Variants in ROPN1B observed in about 807,000 individuals in gnomAD.
ROPN1B encodes the protein rhophilin associated tail protein 1B, also known as ropporin-1B.
Under a neutral mutation model 23.7 loss-of-function variants are expected in ROPN1B, and 13 were observed. That is an observed-to-expected ratio of 0.55 (90% CI 0.36 to 0.87). The LOEUF (loss-of-function observed/expected upper bound fraction) is 0.87. Ranked by LOEUF, ROPN1B falls within the 40% of genes least tolerant of loss-of-function variation. ROPN1B has a pLI of 0.01. For missense variants in ROPN1B, 183 were observed against 249.2 expected (o/e 0.73, Z 1.79); for synonymous variants, 67 against 100.4 (o/e 0.67, Z 1.99).
intron 2 of ROPN1B, among the ~76,000 whole-genome samples, chr3:125,971,366 GA>G (rs778213933): frequency 2.0e-5 from 3 of 152,012 alleles, no homozygotes; most frequent in South Asian, 4.1e-4. Flanking sequence ...ACTAAAAGCA[GA>G]AAAAAATCTT....
At chr3:125,976,404 T>C (rs7644324) in intron 4 of ROPN1B, among the ~76,000 whole-genome samples, 107,142 of 152,132 alleles carry the variant, frequency 0.7, 39,399 homozygotes, top group African/African-American at 0.92. Context: ...AGTCATCTTC[T>C]CTCCTTTTGT....
chr3:125,981,165 T>C (rs1038876420), intron 5 of ROPN1B, among the ~76,000 whole-genome samples: 6 of 152,224 alleles, frequency 3.9e-5, no homozygotes, highest in Non-Finnish European at 8.8e-5. Flanking sequence ...TTTAAATTAC[T>C]TGCCATCAAG....
At chr3:125,969,567 G>A (rs1358229647) in intron 1 of ROPN1B, 167 bp downstream of exon 1, 1 of 90,250 alleles carries the variant, frequency 1.1e-5, no homozygotes, top group Non-Finnish European at 2.1e-5. Flanking sequence ...TCAAGAGAAT[G>A]TGACTGTGGG....
chr3:125,979,896 T>C (rs1938553107), intron 5 of ROPN1B, among the ~76,000 whole-genome samples: 1 of 152,246 alleles, frequency 6.6e-6, no homozygotes, highest in Admixed American at 6.5e-5. Flanking sequence ...CAGAATGCGA[T>C]GGCACACAGA....
chr3:125,974,833 C>T (rs971378639), intron 3 of ROPN1B, among the ~76,000 whole-genome samples: 13 of 152,170 alleles, frequency 8.5e-5, no homozygotes, highest in Non-Finnish European at 1.8e-4. Flanking sequence ...TTGTCTCAAA[C>T]CTTCTTTGGC....
chr3:125,975,701 T>C (rs1184050383), intron 4 of ROPN1B, 21 bp downstream of exon 4: 2 of 1,579,998 alleles, frequency 1.3e-6, no homozygotes, highest in African/African-American at 2.7e-5. Context: ...TGCTGCAGCA[T>C]TGAGGAGAAT....
chr3:125,973,283 C>G (rs1580341356), intron 3 of ROPN1B: 2 of 343,390 alleles, frequency 5.8e-6, no homozygotes, highest in East Asian at 1.6e-4. Context: ...TAAGAGGGGC[C>G]TTTCGGAGTC....
intron 2 of ROPN1B, 49 bp from the exon 3 acceptor site, chr3:125,971,994 T>A: frequency 6.4e-7 from 1 of 1,570,136 alleles, no homozygotes. Context: ...ATTGCTCTCA[T>A]CTTATGAGTC....
chr3:125,970,996 C>T (rs1367159738), intron 1 of ROPN1B, 121 bp from the exon 2 acceptor site: 4 of 153,746 alleles, frequency 2.6e-5, no homozygotes, highest in Non-Finnish European at 4.4e-5. Context: ...TCAGCCACAC[C>T]TTTTCACGCT....
At chr3:125,975,150 C>T (rs1365738107) in intron 3 of ROPN1B, among the ~76,000 whole-genome samples, 2 of 152,142 alleles carry the variant, frequency 1.3e-5, no homozygotes, top group Non-Finnish European at 2.9e-5. Flanking sequence ...TGCTGCCTTC[C>T]CCTTTCTTAC....
intron 5 of ROPN1B, among the ~76,000 whole-genome samples, chr3:125,978,709 G>A (rs1938509409): frequency 6.6e-6 from 1 of 152,130 alleles, no homozygotes. Context: ...TGCCTCCCGA[G>A]CTGGCTCATT....
At chr3:125,970,099 G>A (rs1237161232) in intron 1 of ROPN1B, 7 of 150,068 alleles carry the variant, frequency 4.7e-5, no homozygotes, top group Admixed American at 6.6e-5. Flanking sequence ...CAGTCCTGCC[G>A]TGGAGTTTGC....
At chr3:125,982,488 A>G in intron 6 of ROPN1B, 43 bp downstream of exon 6, 18 of 1,535,154 alleles carry the variant, frequency 1.2e-5, no homozygotes, top group Non-Finnish European at 1.6e-5. Context: ...AATACCAGGA[A>G]AACAAATCTA....
At chr3:125,981,030 A>AT (rs144326661) in intron 5 of ROPN1B, among the ~76,000 whole-genome samples, 7,649 of 151,026 alleles carry the variant, frequency 0.051, 595 homozygotes, top group African/African-American at 0.17. Flanking sequence ...CCTCAAACTC[A>AT]TTTTTTTTTG....
At chr3:125,975,373 C>T (rs1355904201) in intron 3 of ROPN1B, 190 bp from the exon 4 acceptor site, 2 of 469,734 alleles carry the variant, frequency 4.3e-6, no homozygotes, top group Non-Finnish European at 3.8e-6. Flanking sequence ...TCTCTGTGCC[C>T]TAAGTGGAGA....
rs1194090746 is a variant in ROPN1B, at chr3:125,982,405, T to A, written c.532T>A (p.Ser178Thr). 1.2e-6 allele frequency: 2 copies of A among 1,611,386 alleles called. No individual in the cohort carries two copies. The highest frequency in any genetic ancestry group is 1.7e-6 in the Non-Finnish European group (2 of 1,179,356). Residue 178 changes from serine (S) to threonine (T), a missense_variant, in exon 6 of 7, where the codon TCA (serine) becomes ACA (threonine). Physicochemically the swap from Ser to Thr is moderately conservative, Grantham distance 58. This residue lies in a region of ROPN1B where 80 missense variants were observed against 98.0 expected (regional missense o/e 0.82). Transcript: ENST00000514116. ...CGAAGTGGATGGGGAGATCTGTGCATCACATGTCAGCAGGATGCTAAACTA... is the reference window on the plus strand; with the variant it reads ...CGAAGTGGATGGGGAGATCTGTGCAACACATGTCAGCAGGATGCTAAACTA... ...IAEVDGEICA[S>T]HVSRMLNYIE...
At chr3:125,981,763 G>C (rs1403451517) in intron 5 of ROPN1B, among the ~76,000 whole-genome samples, 3 of 152,102 alleles carry the variant, frequency 2.0e-5, no homozygotes, top group Non-Finnish European at 2.9e-5. Flanking sequence ...TTTGGAGGAA[G>C]GTTTATCTTG....
At position 125,983,386 on chromosome 3, in the gene ROPN1B, T is replaced by C. The variant is rs1938678006; in HGVS notation, c.*66T>C. On this transcript the variant is annotated 3_prime_UTR_variant, in exon 7 of 7. Transcript: ENST00000514116. ...ATTGTACTTCAGAATGATAAACCCA[T>C]ATACCACCTAAAATCAATTTTCTTG... The C allele has an allele frequency of 4.7e-6, 5 of 1,064,152 alleles. No individual in the cohort carries two copies. The highest frequency in any genetic ancestry group is 1.6e-5 in the African/African-American group (1 of 64,188). The allele number at this position is 1,064,152 out of a possible 1,614,324, so 65.9% of individuals were successfully genotyped here.
chr3:125,970,653 A>G (rs564903079), intron 1 of ROPN1B, among the ~76,000 whole-genome samples: 2 of 152,180 alleles, frequency 1.3e-5, no homozygotes, highest in Non-Finnish European at 2.9e-5. Flanking sequence ...AAAAAATTTT[A>G]AAAAATCCTT....
Sources: allele counts gnomAD v4.1 joint callset (sites outside exome capture counted in the v4.1 genomes callset), GRCh38; gene constraint gnomAD v4.1.1; regional missense constraint gnomAD v4.1.1; transcripts MANE v1.5; gene names NCBI Gene and HGNC (gene_info 2026-07-23, HGNC 2026-07-21).